Variants in IL33 observed in about 807,000 individuals in gnomAD.
The protein encoded by IL33 is interleukin 33.
IL33 carries 37 observed loss-of-function variants against 27.3 expected under a neutral mutation model. That is an observed-to-expected ratio of 1.36 (90% CI 1.04 to 1.78). The LOEUF is 1.78. Among genes scored for constraint, IL33 ranks in the 40% most tolerant of loss-of-function variants. The probability of loss-of-function intolerance (pLI) is 0.00; values close to 1 mark genes in which losing one functional copy is unlikely to be tolerated. For missense variants in IL33, 406 were observed against 311.4 expected, an observed-to-expected ratio of 1.30 and a Z score of -2.29; for synonymous variants, 132 against 102.9, an observed-to-expected ratio of 1.28 and a Z score of -1.71.
chr9:6,254,249 C>T (rs1311615948), intron 6 of IL33, among the ~76,000 whole-genome samples: 1 of 152,120 alleles, frequency 6.6e-6, no homozygotes, highest in Non-Finnish European at 1.5e-5. Context: ...AATTAAAAAG[C>T]ATATAAGAAA....
intron 5 of IL33, 103 bp from the exon 6 acceptor site, chr9:6,253,449 T>C: frequency 2.8e-6 from 2 of 727,106 alleles, no homozygotes; most frequent in South Asian, 2.2e-5. Flanking sequence ...TTTATTGATA[T>C]ATAATAAAAG....
intron 2 of IL33, among the ~76,000 whole-genome samples, chr9:6,249,254 C>T (rs1418481865): frequency 6.6e-6 from 1 of 152,170 alleles, no homozygotes; most frequent in Non-Finnish European, 1.5e-5. Context: ...AGCTTTTCCA[C>T]TTATCTTTAA....
At chr9:6,215,231 A>G (rs746808236), upstream of IL33, among the ~76,000 whole-genome samples, 17 of 152,200 alleles carry the variant, frequency 1.1e-4, no homozygotes, top group Non-Finnish European at 1.9e-4. Context: ...CATGGGATCT[A>G]TAGTACAGGA....
At position 6,228,493 on chromosome 9, in the gene IL33, G is replaced by A. The variant is rs115630795; in HGVS notation, c.-12+12641G>A. On this transcript the variant is annotated intron_variant, in intron 1 of 7. Coordinates refer to ENST00000682010, the MANE Select transcript of IL33 (RefSeq NM_033439.4). ...CTTTAGAGTTAAACTAAAACCAAAGGTCTCTATGTTCCATGTTGTTTTTTT... is the reference window on the plus strand; with the variant it reads ...CTTTAGAGTTAAACTAAAACCAAAGATCTCTATGTTCCATGTTGTTTTTTT... 4.6e-3 allele frequency among the ~76,000 whole-genome samples: 699 copies of A among 151,628 alleles called. 6 individuals are homozygous for A. Among genetic ancestry groups the A allele is most frequent in the African/African-American group, 0.016 (677 of 41,372 alleles).
chr9:6,239,009 T>C (rs923971656), intron 1 of IL33, among the ~76,000 whole-genome samples: 1 of 152,042 alleles, frequency 6.6e-6, no homozygotes, highest in African/African-American at 2.4e-5. Context: ...AGTATTAAAT[T>C]GGGGGTTGCA....
intron 1 of IL33, among the ~76,000 whole-genome samples, chr9:6,230,979 A>G (rs1818901327): frequency 6.6e-6 from 1 of 152,172 alleles, no homozygotes; most frequent in South Asian, 2.1e-4. Context: ...AACTCCAGAA[A>G]CACAGTGACA....
chr9:6,252,043 ACAAACAAAC>A lies in IL33; in HGVS notation c.343+779_343+787del, dbSNP rs1564073064. Among the ~76,000 whole-genome samples, 7 of 57,746 alleles carry A rather than the reference ACAAACAAAC, an allele frequency of 1.2e-4. 1 individual carries two copies. The highest frequency in any genetic ancestry group is 9.9e-4 in the South Asian group (1 of 1,010). 37.9% of individuals were successfully genotyped at this position (57,746 alleles called of 152,430 possible). On this transcript the variant is annotated intron_variant, in intron 4 of 7. Coordinates refer to ENST00000682010, the MANE Select transcript of IL33 (RefSeq NM_033439.4). ...CAAGAGCGGCTGTCTCAGAAAAAAA[ACAAACAAAC>A]AAACAAAAAAAAACCCAACAAAAAA...
chr9:6,255,838 T>A, intron 7 of IL33, 130 bp from the exon 8 acceptor site: 1 of 697,584 alleles, frequency 1.4e-6, no homozygotes, highest in Non-Finnish European at 2.5e-6. Flanking sequence ...CCTCCACAAC[T>A]CACTAAGCAA....
At chr9:6,253,625 T>C in intron 6 of IL33, 23 bp downstream of exon 6, 1 of 1,584,422 alleles carries the variant, frequency 6.3e-7, no homozygotes, top group Non-Finnish European at 8.6e-7. Context: ...GCTGGGTAGC[T>C]GTAGTGCTTG....
chr9:6,248,141 A>G (rs1041764798), intron 2 of IL33, among the ~76,000 whole-genome samples: 1 of 152,082 alleles, frequency 6.6e-6, no homozygotes, highest in East Asian at 1.9e-4. Flanking sequence ...ACAATGTGAT[A>G]TAGTTGCTAT....
intron 3 of IL33, among the ~76,000 whole-genome samples, 200 bp downstream of exon 3, chr9:6,250,799 T>C (rs1816306183): frequency 6.6e-6 from 1 of 152,258 alleles, no homozygotes; most frequent in Non-Finnish European, 1.5e-5. Flanking sequence ...TATGTTATAA[T>C]GTTAAGTGAA....
At chr9:6,248,240 C>CTTTTTTTTTTTTTTTTTTTTTTTT (rs1179234471) in intron 2 of IL33, among the ~76,000 whole-genome samples, 1 of 84,886 alleles carries the variant, frequency 1.2e-5, no homozygotes, top group Non-Finnish European at 2.3e-5. Flanking sequence ...CTTTTCTTTT[C>CTTTTTTTTTTTTTTTTTTTTTTTT]TTTTTTTTTT....
intron 2 of IL33, among the ~76,000 whole-genome samples, chr9:6,247,545 T>G (rs2130383665): frequency 6.6e-6 from 1 of 152,296 alleles, no homozygotes; most frequent in Middle Eastern, 3.4e-3. Context: ...CCCTGAGGGA[T>G]TCATGCTGCT....
At chr9:6,229,871 G>C (rs1199269933) in intron 1 of IL33, among the ~76,000 whole-genome samples, 1 of 152,124 alleles carries the variant, frequency 6.6e-6, no homozygotes, top group Non-Finnish European at 1.5e-5. Context: ...AAACAATAAA[G>C]TCGGCTTGAT....
chr9:6,253,349 T>C lies in IL33; in HGVS notation c.470-203T>C, dbSNP rs1456590684. Among the ~76,000 whole-genome samples the C allele has an allele frequency of 2.6e-5, 4 of 152,254 alleles. No homozygotes were observed. In the East Asian group the frequency reaches 5.8e-4, roughly 22 times the overall value. ...TATGCCACTGCTATGAAAAATATTT[T>C]AAATATTTTAATAACAACTATATTG... is the stretch of plus-strand genomic sequence containing the variant. On this transcript the variant is annotated intron_variant, in intron 5 of 7. Transcript: ENST00000682010.
upstream of IL33, chr9:6,215,651 G>A (rs568401797): frequency 6.6e-6 from 1 of 152,208 alleles, no homozygotes; most frequent in Non-Finnish European, 1.5e-5. Context: ...GCAGAAAGTA[G>A]TGAGCCTTAG....
chr9:6,222,886 C>T (rs1818470599), intron 1 of IL33, among the ~76,000 whole-genome samples: 1 of 152,010 alleles, frequency 6.6e-6, no homozygotes, highest in African/African-American at 2.4e-5. Flanking sequence ...AGAATGTTAA[C>T]TGAAGATTGA....
At chr9:6,224,780 G>A (rs1199048597) in intron 1 of IL33, among the ~76,000 whole-genome samples, 3 of 152,028 alleles carry the variant, frequency 2.0e-5, no homozygotes, top group South Asian at 2.1e-4. Flanking sequence ...TTGATATATC[G>A]GCATTACCTA....
intron 2 of IL33, chr9:6,242,665 T>C (rs1819596709): frequency 6.6e-6 from 1 of 152,236 alleles, no homozygotes; most frequent in Non-Finnish European, 1.5e-5. Flanking sequence ...GAATGATGTC[T>C]TTTGTTTCCA....
Sources: gnomAD v4.1 joint callset for allele counts (sites outside exome capture counted in the v4.1 genomes callset) on GRCh38, gnomAD v4.1.1 for gene constraint, MANE v1.5 for transcripts, NCBI Gene and HGNC (gene_info 2026-07-23, HGNC 2026-07-21) for gene names.